Variants in SLC34A2 observed in about 807,000 individuals in gnomAD.
SLC34A2 encodes the protein sodium-dependent phosphate transport protein 2B.
In SLC34A2, 41 loss-of-function variants were observed where a neutral mutation model predicts 50.8. That is an observed-to-expected ratio of 0.81 (90% CI 0.63 to 1.05). SLC34A2 has a LOEUF of 1.05. SLC34A2 is among the 50% of genes least tolerant of loss of function. SLC34A2 has a pLI of 0.00. For missense variants in SLC34A2, 879 were observed against 876.7 expected (o/e 1.00, Z -0.03); for synonymous variants, 401 against 364.2 (o/e 1.10, Z -1.15).
chr4:25,663,086 T>C (rs1174873594), intron 3 of SLC34A2, among the ~76,000 whole-genome samples: 1 of 152,144 alleles, frequency 6.6e-6, no homozygotes, highest in Non-Finnish European at 1.5e-5. Context: ...GCAGTTATCC[T>C]GCCTCAGCCT....
At chr4:25,666,001 G>A (rs187652943) in intron 4 of SLC34A2, 127 bp from the exon 5 acceptor site, 26 of 1,143,546 alleles carry the variant, frequency 2.3e-5, no homozygotes, top group African/African-American at 1.8e-4. Context: ...TGCCTGCAGC[G>A]ATGGAGGCTG....
At chr4:25,668,379 G>A (rs765144127) in intron 6 of SLC34A2, among the ~76,000 whole-genome samples, 3 of 152,188 alleles carry the variant, frequency 2.0e-5, no homozygotes, top group Admixed American at 6.5e-5. Context: ...GGGACTGGGC[G>A]TGGTGGCTCA....
chr4:25,664,523 A>G (rs1266957033), intron 4 of SLC34A2, among the ~76,000 whole-genome samples, 193 bp downstream of exon 4: 3 of 152,264 alleles, frequency 2.0e-5, no homozygotes, highest in African/African-American at 7.2e-5. Flanking sequence ...ACAAAGGGCT[A>G]TGACTTGGCC....
intron 6 of SLC34A2, among the ~76,000 whole-genome samples, chr4:25,669,002 T>C (rs1449189850): frequency 6.6e-6 from 1 of 152,044 alleles, no homozygotes; most frequent in East Asian, 1.9e-4. Flanking sequence ...AGGAGGAATC[T>C]TTGAACCTCC....
chr4:25,661,615 T>C (rs1714188853), intron 1 of SLC34A2, among the ~76,000 whole-genome samples: 1 of 152,194 alleles, frequency 6.6e-6, no homozygotes, highest in South Asian at 2.1e-4. Context: ...CTCGAACTTC[T>C]GACCTCAGGT....
chr4:25,662,652 G>A (rs368284214), intron 2 of SLC34A2, 40 bp downstream of exon 2: 22 of 1,613,930 alleles, frequency 1.4e-5, no homozygotes, highest in East Asian at 2.2e-5. Flanking sequence ...GCCTTTGTGA[G>A]GACCCCAGGA....
chr4:25,664,675 C>T (rs563602511), intron 4 of SLC34A2, among the ~76,000 whole-genome samples: 7 of 152,334 alleles, frequency 4.6e-5, no homozygotes, highest in African/African-American at 1.7e-4. Context: ...AGAGAGAATT[C>T]TGGAATGAGA....
chr4:25,658,596 G>A (rs887924811), intron 1 of SLC34A2, among the ~76,000 whole-genome samples: 2 of 152,218 alleles, frequency 1.3e-5, no homozygotes, highest in Non-Finnish European at 2.9e-5. Context: ...AGCTCTTTCT[G>A]GCAGTGGGTG....
chr4:25,672,119 G>C (rs371493376), intron 9 of SLC34A2, among the ~76,000 whole-genome samples: 88 of 152,298 alleles, frequency 5.8e-4, no homozygotes, highest in African/African-American at 2.0e-3. Flanking sequence ...CTGGTCACTT[G>C]AAGCCAGGAG....
intron 6 of SLC34A2, among the ~76,000 whole-genome samples, 200 bp from the exon 7 acceptor site, chr4:25,669,447 T>G (rs1714694825): frequency 6.6e-6 from 1 of 152,178 alleles, no homozygotes; most frequent in Non-Finnish European, 1.5e-5. Flanking sequence ...GCCCGCAGCT[T>G]CTTCATCTGG....
chr4:25,667,661 G>T (rs1305462974), intron 5 of SLC34A2, among the ~76,000 whole-genome samples: 1 of 152,194 alleles, frequency 6.6e-6, no homozygotes, highest in Non-Finnish European at 1.5e-5. Context: ...GTCTCCTTCA[G>T]GCTAGCCTTG....
At chr4:25,675,519 T>A (rs1715064111) in intron 12 of SLC34A2, among the ~76,000 whole-genome samples, 1 of 152,246 alleles carries the variant, frequency 6.6e-6, no homozygotes, top group Non-Finnish European at 1.5e-5. Flanking sequence ...CTAATATAAA[T>A]TAACCGCATA....
In SLC34A2 at chr4:25,670,797, T is replaced by A. The variant is rs531268967; in HGVS notation, c.891T>A (p.Ser297Arg). 1.9e-6 allele frequency: 3 copies of A among 1,613,784 alleles called. No individual in the cohort carries two copies. Among genetic ancestry groups the A allele is most frequent in the East Asian group, 4.5e-5 (2 of 44,862 alleles). ...ACGATGAAAAAGCGAAAAACAAGAG[T>A]CTTGTCAAGATTTGGTGCAAAACTT... ...AMNDEKAKNKSLVKIWCKTFT... is the reference protein window; with the variant it reads ...AMNDEKAKNKRLVKIWCKTFT... Residue 297 changes from serine (S) to arginine (R), a missense_variant, in exon 8 of 13, where the codon AGT becomes AGA. Ser to Arg is a moderately radical substitution (Grantham distance 110, BLOSUM62 -1). Transcript: ENST00000382051.
chr4:25,674,575 C>T lies in SLC34A2; in HGVS notation c.1404C>T (p.Thr468=), dbSNP rs373783428. 52 of 1,614,232 alleles carry T rather than the reference C, an allele frequency of 3.2e-5. No individual in the cohort carries two copies. The highest frequency in any genetic ancestry group is 3.7e-5 in the Non-Finnish European group (44 of 1,180,046). ...TLGSNIGTTT[T]AILAALASPG... is the part of the protein sequence containing the mutation. ...GCTCCAACATCGGCACCACCACCAC[C>T]GCCATCCTGGCCGCCTTAGCCAGCC... The change falls in exon 12 of 13, where the codon ACC becomes ACT. Residue 468 remains threonine (T), a synonymous_variant. Transcript: ENST00000382051.
intron 8 of SLC34A2, 26 bp from the exon 9 acceptor site, chr4:25,671,575 G>A (rs775023970): frequency 6.2e-7 from 1 of 1,613,898 alleles, no homozygotes; most frequent in Non-Finnish European, 8.5e-7. Context: ...CCAGTGTTGT[G>A]GGCATTTGTC....
At chr4:25,659,483 G>A (rs1166003188) in intron 1 of SLC34A2, among the ~76,000 whole-genome samples, 1 of 151,986 alleles carries the variant, frequency 6.6e-6, no homozygotes, top group Non-Finnish European at 1.5e-5. Flanking sequence ...ATGACACAGT[G>A]CATTTCCACG....
chr4:25,673,030 A>G, intron 9 of SLC34A2, 57 bp from the exon 10 acceptor site: 1 of 1,566,434 alleles, frequency 6.4e-7, no homozygotes, highest in Admixed American at 1.7e-5. Flanking sequence ...AATAAATAAC[A>G]ATCTGTAGCC....
rs917439497 is a variant in SLC34A2 at position 25,666,000 on chromosome 4, C to T, written c.380-128C>T. 70 of 1,124,804 alleles carry T rather than the reference C, an allele frequency of 6.2e-5. 1 individual carries two copies. The highest frequency in any genetic ancestry group is 6.0e-4 in the South Asian group (47 of 78,714). The allele number at this position is 1,124,804 out of a possible 1,614,324, so 69.7% of individuals were successfully genotyped here. A position where few individuals can be genotyped will look rare whatever the true frequency, so the allele number is the denominator to read the frequency against. On this transcript the variant is annotated intron_variant, in intron 4 of 12. Transcript: ENST00000382051. Reference sequence around the variant, plus strand: ...AGCAAGATTCCTTGGGTGCCTGCAGCGATGGAGGCTGGACTCTGCAACCCA... The same window carrying T: ...AGCAAGATTCCTTGGGTGCCTGCAGTGATGGAGGCTGGACTCTGCAACCCA...
At position 25,676,778 on chromosome 4, in the gene SLC34A2, G is replaced by T; in HGVS notation, c.*29G>T. The T allele has an allele frequency of 6.2e-7, 1 of 1,613,656 alleles. No individual in the cohort carries two copies. Among genetic ancestry groups the T allele is most frequent in the Non-Finnish European group, 8.5e-7 (1 of 1,179,936 alleles). ...ACGCCCCAGATTGTCAGGGATGGGG[G>T]GATGGTCCTTGAGTTTTGCATGCTC... On this transcript the variant is annotated 3_prime_UTR_variant, in exon 13 of 13. Transcript: ENST00000382051.
Sources: allele counts gnomAD v4.1 joint callset (sites outside exome capture counted in the v4.1 genomes callset), GRCh38; gene constraint gnomAD v4.1.1; transcripts MANE v1.5; gene names NCBI Gene and HGNC (gene_info 2026-07-23, HGNC 2026-07-21).